TUSC3: variants seen among roughly 807,000 people sequenced by gnomAD.
TUSC3 encodes the protein tumor suppressor candidate 3.
In TUSC3, 45 loss-of-function variants were observed where a neutral mutation model predicts 44.8. The ratio of observed to expected loss-of-function variants is 1.00; its 90% CI spans 0.79 to 1.29. TUSC3 has a LOEUF of 1.29. TUSC3 is among the 50% of genes most tolerant of loss of function. The pLI is 0.00. For synonymous variants in TUSC3, 212 were observed against 152.9 expected (o/e 1.39, Z -2.85); for missense variants, 519 against 437.9 (o/e 1.19, Z -1.65).
chr8:15,513,704 G>A (rs891646583), intron 2 of TUSC3, among the ~76,000 whole-genome samples: 4 of 152,050 alleles, frequency 2.6e-5, no homozygotes, highest in African/African-American at 9.7e-5. Context: ...TGTTACCTGG[G>A]TCTACACACA....
rs1460823805 is a variant in TUSC3, at chr8:15,573,298, A to C, written c.138+32730A>C. On this transcript the variant is annotated intron_variant, in intron 1 of 10. Transcript: ENST00000503731. The stretch of plus-strand genomic sequence containing the variant: ...GAGGCCTAGGATTATTCTGTTTGAG[A>C]AAGGGAGTCAGAGCTGCCTTCCAAT... Among the ~76,000 whole-genome samples the C allele has an allele frequency of 4.0e-5, 6 of 148,948 alleles. No individual in the cohort carries two copies. In the Admixed American group the frequency reaches 4.1e-4, roughly 10 times the overall value.
intron 2 of TUSC3, among the ~76,000 whole-genome samples, chr8:15,521,707 G>A (rs768749126): frequency 4.6e-5 from 7 of 152,170 alleles, no homozygotes; most frequent in Non-Finnish European, 1.0e-4. Context: ...CGGGCCACTG[G>A]TTACACAAGC....
intron 1 of TUSC3, among the ~76,000 whole-genome samples, chr8:15,473,475 T>G (rs1800523868): frequency 6.6e-6 from 1 of 152,206 alleles, no homozygotes; most frequent in Admixed American, 6.5e-5. Context: ...CTCAAAGCAT[T>G]GGTTTGCAGT....
At chr8:15,502,280 A>G (rs965553991) in intron 2 of TUSC3, among the ~76,000 whole-genome samples, 2 of 152,164 alleles carry the variant, frequency 1.3e-5, no homozygotes, top group Non-Finnish European at 2.9e-5. Flanking sequence ...TTTTTCCCAA[A>G]TGCCCAATTA....
chr8:15,489,868 C>T (rs986630402), intron 2 of TUSC3, among the ~76,000 whole-genome samples: 2 of 152,118 alleles, frequency 1.3e-5, no homozygotes, highest in African/African-American at 4.8e-5. Context: ...GCTTAGAATT[C>T]ATAATATATT....
In TUSC3 at chr8:15,764,696, G is replaced by C. The variant is rs1463499595; in HGVS notation, c.*540G>C. 1 of 160,050 alleles carries C rather than the reference G, an allele frequency of 6.2e-6. No homozygotes were observed. The highest frequency in any genetic ancestry group is 2.4e-5 in the African/African-American group (1 of 41,474). 9.9% of individuals were successfully genotyped at this position (160,050 alleles called of 1,614,324 possible). On this transcript the variant is annotated 3_prime_UTR_variant, in exon 11 of 11. Coordinates refer to ENST00000503731, the MANE Select transcript of TUSC3 (RefSeq NM_006765.4). ...AGTGTTTTGTTATTAATTATAACTAGATAAAGGTATATAGGACAGGGAACT... is the reference window on the plus strand; with the variant it reads ...AGTGTTTTGTTATTAATTATAACTACATAAAGGTATATAGGACAGGGAACT...
At chr8:15,564,063 G>A (rs1301856129) in intron 1 of TUSC3, among the ~76,000 whole-genome samples, 3 of 152,092 alleles carry the variant, frequency 2.0e-5, no homozygotes, top group African/African-American at 7.2e-5. Flanking sequence ...CATTATAGGA[G>A]AAACCATTAT....
intron 1 of TUSC3, among the ~76,000 whole-genome samples, chr8:15,565,290 G>A (rs969143359): frequency 1.3e-5 from 2 of 151,200 alleles, no homozygotes; most frequent in African/African-American, 2.4e-5. Flanking sequence ...TGATTTTCTT[G>A]CCTTCCTGTT....
chr8:15,611,414 C>G (rs1804754535), intron 1 of TUSC3, among the ~76,000 whole-genome samples: 1 of 152,134 alleles, frequency 6.6e-6, no homozygotes, highest in South Asian at 2.1e-4. Context: ...GTCTCAAACT[C>G]CTGACCTCGT....
the TUSC3 span, among the ~76,000 whole-genome samples, chr8:15,807,940 A>G: frequency 6.6e-6 from 1 of 152,316 alleles, no homozygotes; most frequent in Admixed American, 6.5e-5. Context: ...GGGACAGAGC[A>G]TTTGCATCCC....
chr8:15,615,303 C>T (rs528334385), intron 1 of TUSC3, among the ~76,000 whole-genome samples: 2 of 152,158 alleles, frequency 1.3e-5, no homozygotes, highest in Non-Finnish European at 2.9e-5. Context: ...TCTTGCCATT[C>T]ACAGCAACAT....
intron 1 of TUSC3, among the ~76,000 whole-genome samples, chr8:15,477,946 A>G (rs1800602898): frequency 6.6e-6 from 1 of 151,976 alleles, no homozygotes; most frequent in Admixed American, 6.6e-5. Flanking sequence ...CTTTTTTAAA[A>G]ATTTAATTTA....
intron 1 of TUSC3, among the ~76,000 whole-genome samples, chr8:15,445,301 T>C (rs1173595366): frequency 2.0e-5 from 3 of 151,974 alleles, no homozygotes; most frequent in Non-Finnish European, 4.4e-5. Context: ...AAAACTGATC[T>C]ATCCCAGGAT....
intron 3 of TUSC3, among the ~76,000 whole-genome samples, chr8:15,658,742 A>G (rs922144426): frequency 6.6e-6 from 1 of 151,718 alleles, no homozygotes; most frequent in African/African-American, 2.4e-5. Flanking sequence ...TTTGTAGTTT[A>G]TTGCTTACTG....
Position 15,461,548 on chromosome 8 carries a change from C to T in TUSC3, n.92-21838C>T, listed in dbSNP as rs898904280. The stretch of plus-strand genomic sequence containing the variant: ...ATTTCTTTGTCTTGTCTGATTTCTC[C>T]GGCTAGGACTTCCAGTACTATATTA... On this transcript the variant is annotated intron_variant and non_coding_transcript_variant, in intron 1 of 5. Coordinates refer to the TUSC3 transcript ENST00000503191. Among the ~76,000 whole-genome samples, 5 of 151,808 alleles carry T rather than the reference C, an allele frequency of 3.3e-5. No individual in the cohort carries two copies. In the South Asian group the frequency reaches 6.2e-4, roughly 19 times the overall value.
intron 1 of TUSC3, among the ~76,000 whole-genome samples, chr8:15,563,940 A>G (rs1802573938): frequency 6.6e-6 from 1 of 152,138 alleles, no homozygotes; most frequent in Non-Finnish European, 1.5e-5. Context: ...ATGAACAATT[A>G]AAATTCAAAG....
the TUSC3 span, among the ~76,000 whole-genome samples, chr8:15,772,512 A>G: frequency 6.6e-6 from 1 of 152,226 alleles, no homozygotes; most frequent in Non-Finnish European, 1.5e-5. Context: ...CAAGAGATTG[A>G]ACTGGTTATT....
intron 1 of TUSC3, among the ~76,000 whole-genome samples, chr8:15,605,825 G>A (rs950696679): frequency 9.2e-5 from 14 of 151,978 alleles, no homozygotes; most frequent in African/African-American, 2.7e-4. Context: ...AATCACAACT[G>A]CATAAAATTA....
At chr8:15,683,845 G>A (rs530213442) in intron 6 of TUSC3, among the ~76,000 whole-genome samples, 62 of 152,096 alleles carry the variant, frequency 4.1e-4, no homozygotes, top group African/African-American at 1.4e-3. Flanking sequence ...TTTGACTATG[G>A]TATATGGTGT....
Sources: allele counts gnomAD v4.1 joint callset (sites outside exome capture counted in the v4.1 genomes callset), GRCh38; gene constraint gnomAD v4.1.1; transcripts MANE v1.5; gene names NCBI Gene and HGNC (gene_info 2026-07-23, HGNC 2026-07-21).